The following MOXD1 variants were observed in gnomAD, a reference collection of about 807,000 sequenced individuals.
MOXD1 encodes DBH-like monooxygenase protein 1.
A neutral mutation model predicts 66.6 loss-of-function variants in MOXD1; 62 were observed. That is an observed-to-expected ratio of 0.93 (90% confidence interval 0.76 to 1.15). The LOEUF (loss-of-function observed/expected upper bound fraction) is 1.15. Ranked by LOEUF, MOXD1 falls within the 50% of genes most tolerant of loss-of-function variation. The pLI, the probability that MOXD1 is intolerant of heterozygous loss-of-function variation, is 0.00. For synonymous variants in MOXD1, 303 were observed against 281.9 expected, an observed-to-expected ratio of 1.07 and a Z score of -0.75; for missense variants, 847 against 754.6, an observed-to-expected ratio of 1.12 and a Z score of -1.44.
chr6:132,382,227 G>T (rs1326719348), intron 1 of MOXD1, among the ~76,000 whole-genome samples: 2 of 151,994 alleles, frequency 1.3e-5, no homozygotes, highest in South Asian at 2.1e-4. Flanking sequence ...GGGTAAGAAG[G>T]ATAGAGAGGA....
intron 4 of MOXD1, among the ~76,000 whole-genome samples, chr6:132,365,808 T>C (rs947357472): frequency 2.0e-5 from 3 of 152,154 alleles, no homozygotes; most frequent in Non-Finnish European, 4.4e-5. Flanking sequence ...AATGCACTAA[T>C]TTGAGTCAAA....
At chr6:132,370,221 G>T (rs761030289) in intron 4 of MOXD1, among the ~76,000 whole-genome samples, 2 of 151,942 alleles carry the variant, frequency 1.3e-5, no homozygotes, top group Non-Finnish European at 2.9e-5. Context: ...TTTATGGAAA[G>T]AATATACACT....
intron 8 of MOXD1, among the ~76,000 whole-genome samples, chr6:132,322,301 T>A (rs1775092515): frequency 6.6e-6 from 1 of 152,212 alleles, no homozygotes; most frequent in African/African-American, 2.4e-5. Context: ...AAAAATATCC[T>A]ATCTCTTCAA....
Position 132,315,629 on chromosome 6 carries a change from A to T in MOXD1, c.1508+6T>A. ...TACCCCATCATAAAATACATTTACT[A>T]CTTACGTGACTGGTCTGTAGATCTC... On this transcript the variant is annotated splice_donor_region_variant and intron_variant, in intron 10 of 11. Transcript: ENST00000367963. 6.2e-7 allele frequency: 1 copy of T among 1,606,044 alleles called. No individual in the cohort carries two copies. Among genetic ancestry groups the T allele is most frequent in the South Asian group, 1.1e-5 (1 of 89,382 alleles).
chr6:132,384,485 A>T (rs529470748), intron 1 of MOXD1, among the ~76,000 whole-genome samples: 35 of 152,322 alleles, frequency 2.3e-4, no homozygotes, highest in African/African-American at 8.2e-4. Flanking sequence ...TTCTAAAGAA[A>T]CTTAAACAAT....
At chr6:132,382,840 C>CA (rs1385566244) in intron 1 of MOXD1, among the ~76,000 whole-genome samples, 1 of 152,134 alleles carries the variant, frequency 6.6e-6, no homozygotes, top group Admixed American at 6.5e-5. Flanking sequence ...TAACATATAC[C>CA]AAAAAAACCT....
chr6:132,322,989 G>T, intron 7 of MOXD1, 119 bp from the exon 8 acceptor site: 2 of 861,226 alleles, frequency 2.3e-6, no homozygotes, highest in Non-Finnish European at 1.7e-6. Flanking sequence ...TTAAATGAAT[G>T]CTTGAACTGA....
rs1212100482 is a variant in MOXD1 at position 132,296,623 on chromosome 6, G to A, written c.*530C>T. The A allele has an allele frequency of 6.6e-6, 1 of 152,290 alleles. No homozygotes were observed. Among genetic ancestry groups the A allele is most frequent in the African/African-American group, 2.4e-5 (1 of 41,418 alleles). The allele number at this position is 152,290 out of a possible 1,614,324, so 9.4% of individuals were successfully genotyped here. On this transcript the variant is annotated 3_prime_UTR_variant, in exon 12 of 12. Transcript: ENST00000367963. ...GCATCAACAAAAAGCATTGAGGTAA[G>A]GGGCCCAGTGGTAATTCACAGAAAA... is the stretch of plus-strand genomic sequence containing the variant.
intron 4 of MOXD1, among the ~76,000 whole-genome samples, chr6:132,368,064 A>G (rs918613370): frequency 6.6e-6 from 1 of 152,038 alleles, no homozygotes; most frequent in Non-Finnish European, 1.5e-5. Flanking sequence ...TTAAACAGAT[A>G]TATTAGGAGT....
In MOXD1 at chr6:132,297,842, A is replaced by G. The variant is rs1457543731; in HGVS notation, c.1622T>C (p.Val541Ala). 1.2e-6 allele frequency: 2 copies of G among 1,613,318 alleles called. No homozygotes were observed. Among genetic ancestry groups the G allele is most frequent in the Non-Finnish European group, 1.7e-6 (2 of 1,179,644 alleles). The change falls in exon 11 of 12, where the codon GTC becomes GCC. Residue 541 changes from valine to alanine, a missense_variant. By Grantham distance (64) the Val-to-Ala change is moderately conservative (BLOSUM62 0). Transcript: ENST00000367963. Reference protein sequence around the residue: ...KKEGLSFNKLVLSLPVNVRCS... With the variant: ...KKEGLSFNKLALSLPVNVRCS... ...TCTCACATTCACTGGCAGGCTGAGG[A>G]CCAGCTTGTTGAAGGAGAGACCTTC... is the stretch of plus-strand genomic sequence containing the variant.
chr6:132,371,712 G>C (rs577780849), intron 4 of MOXD1, among the ~76,000 whole-genome samples: 2 of 152,098 alleles, frequency 1.3e-5, no homozygotes, highest in Admixed American at 1.3e-4. Flanking sequence ...TAATTAAAGG[G>C]TGGACTTATG....
chr6:132,379,542 T>C (rs1404726202), intron 1 of MOXD1, among the ~76,000 whole-genome samples: 1 of 152,212 alleles, frequency 6.6e-6, no homozygotes, highest in Admixed American at 6.5e-5. Context: ...TGACTCTATT[T>C]TCACCTCCCA....
intron 6 of MOXD1, among the ~76,000 whole-genome samples, chr6:132,325,673 T>C (rs1461735733): frequency 6.6e-6 from 1 of 152,220 alleles, no homozygotes; most frequent in Non-Finnish European, 1.5e-5. Flanking sequence ...ACAGAACAGA[T>C]GAAGACATAA....
chr6:132,300,379 A>T (rs1452620557), intron 10 of MOXD1, among the ~76,000 whole-genome samples: 3 of 152,224 alleles, frequency 2.0e-5, no homozygotes, highest in Non-Finnish European at 4.4e-5. Context: ...AGCTACAGCT[A>T]TTGATCATTT....
chr6:132,324,234 G>A, intron 6 of MOXD1, 137 bp from the exon 7 acceptor site: 4 of 841,860 alleles, frequency 4.8e-6, no homozygotes, highest in Non-Finnish European at 7.3e-6. Context: ...AAACTGTCAT[G>A]AGGGAAAGGG....
At chr6:132,304,397 C>G (rs1032918271) in intron 10 of MOXD1, among the ~76,000 whole-genome samples, 9 of 152,126 alleles carry the variant, frequency 5.9e-5, no homozygotes, top group Admixed American at 1.3e-4. Flanking sequence ...TTATCCCACC[C>G]CAAGCCAACT....
intron 10 of MOXD1, among the ~76,000 whole-genome samples, chr6:132,310,852 G>T (rs1774812840): frequency 2.0e-5 from 3 of 152,132 alleles, no homozygotes; most frequent in Admixed American, 6.5e-5. Context: ...GTTGGGGGAT[G>T]GGGGGTGAAG....
rs190555833 is a variant in MOXD1 at position 132,309,092 on chromosome 6, A to G, written c.1508+6543T>C. Among the ~76,000 whole-genome samples, 458 of 152,332 alleles carry G rather than the reference A, an allele frequency of 3.0e-3. 1 individual carries two copies. Among genetic ancestry groups the G allele is most frequent in the African/African-American group, 0.011 (443 of 41,580 alleles). On this transcript the variant is annotated intron_variant, in intron 10 of 11. Transcript: ENST00000367963. Reference sequence around the variant, plus strand: ...AGGAAGTCAAATTATCTCTGTTTGCAGATGACATAATTTTATATTTAGAAA... The same window carrying G: ...AGGAAGTCAAATTATCTCTGTTTGCGGATGACATAATTTTATATTTAGAAA...
intron 4 of MOXD1, among the ~76,000 whole-genome samples, chr6:132,337,847 C>T (rs901020386): frequency 2.0e-5 from 3 of 152,114 alleles, no homozygotes; most frequent in Non-Finnish European, 4.4e-5. Context: ...GCAGAGATCA[C>T]CTAGAACTTT....
Sources: allele counts gnomAD v4.1 joint callset (sites outside exome capture counted in the v4.1 genomes callset), GRCh38; gene constraint gnomAD v4.1.1; transcripts MANE v1.5; gene names NCBI Gene and HGNC (gene_info 2026-07-23, HGNC 2026-07-21).